The following MARCHF1 variants were observed in gnomAD, a reference collection of about 807,000 sequenced individuals.
MARCHF1 encodes E3 ubiquitin-protein ligase MARCHF1.
Under a neutral mutation model 54.2 loss-of-function variants are expected in MARCHF1, and 40 were observed. The ratio of observed to expected loss-of-function variants is 0.74; its 90% CI spans 0.57 to 0.96. The LOEUF (loss-of-function observed/expected upper bound fraction) is 0.96, where lower values mean the gene tolerates loss of function less well. Among genes scored for constraint, MARCHF1 ranks in the 40% least tolerant of loss-of-function variants. MARCHF1 has a pLI of 0.00. For missense variants in MARCHF1, 586 were observed against 656.5 expected, an observed-to-expected ratio of 0.89 and a Z score of 1.17; for synonymous variants, 236 against 236.3, an observed-to-expected ratio of 1.00 and a Z score of 0.01.
At chr4:164,046,207 A>C (rs1754239839) in intron 2 of MARCHF1, among the ~76,000 whole-genome samples, 1 of 152,252 alleles carries the variant, frequency 6.6e-6, no homozygotes, top group Admixed American at 6.5e-5. Flanking sequence ...CAAGAGGGAC[A>C]CATTATCTTT....
intron 1 of MARCHF1, among the ~76,000 whole-genome samples, chr4:164,283,417 A>C (rs1192446354): frequency 6.6e-6 from 1 of 150,958 alleles, no homozygotes; most frequent in Non-Finnish European, 1.5e-5. Context: ...CCTGTTCATC[A>C]CAAAATATAT....
intron 5 of MARCHF1, among the ~76,000 whole-genome samples, chr4:163,672,902 G>A (rs746855418): frequency 7.2e-5 from 11 of 152,006 alleles, no homozygotes; most frequent in East Asian, 1.9e-4. Context: ...TTTGTCACAC[G>A]TCCTTTTTCT....
intron 1 of MARCHF1, among the ~76,000 whole-genome samples, chr4:164,220,521 TATATATG>T (rs772846103): frequency 4.0e-4 from 59 of 145,834 alleles, no homozygotes; most frequent in African/African-American, 1.4e-3. Context: ...ATATATGTAA[TATATATG>T]ATATATATCT....
intron 1 of MARCHF1, among the ~76,000 whole-genome samples, chr4:164,198,224 AATCT>A (rs200204003): frequency 0.012 from 1,813 of 152,250 alleles, 36 homozygotes; most frequent in African/African-American, 0.042. Flanking sequence ...TAAAAAGCTA[AATCT>A]ATCTTTTATT....
chr4:163,740,995 G>C (rs1381237336), intron 4 of MARCHF1, among the ~76,000 whole-genome samples: 1 of 152,114 alleles, frequency 6.6e-6, no homozygotes, highest in East Asian at 1.9e-4. Context: ...GTCCTTCTGT[G>C]ATACCTTCTC....
chr4:163,885,913 A>G (rs1051008166), intron 3 of MARCHF1, among the ~76,000 whole-genome samples: 5 of 149,008 alleles, frequency 3.4e-5, no homozygotes, highest in Non-Finnish European at 7.4e-5. Context: ...TCTAATATAT[A>G]TATTTTATCT....
chr4:163,554,439 C>G (rs1015633071), intron 8 of MARCHF1, among the ~76,000 whole-genome samples: 1 of 152,058 alleles, frequency 6.6e-6, no homozygotes, highest in African/African-American at 2.4e-5. Flanking sequence ...GGGGTAGGAG[C>G]AGGAGGCCTG....
chr4:163,565,139 T>C (rs1456836052), intron 8 of MARCHF1, among the ~76,000 whole-genome samples: 1 of 152,232 alleles, frequency 6.6e-6, no homozygotes, highest in Non-Finnish European at 1.5e-5. Context: ...ACATTGTGAC[T>C]GCAGCTTCAA....
chr4:163,735,229 C>CCCAAT (rs1746001388), intron 4 of MARCHF1, among the ~76,000 whole-genome samples: 1 of 152,054 alleles, frequency 6.6e-6, no homozygotes. Context: ...ATCCTATTAC[C>CCCAAT]CCAATCCACC....
chr4:164,005,844 A>G (rs976701199), intron 2 of MARCHF1, among the ~76,000 whole-genome samples: 5 of 152,136 alleles, frequency 3.3e-5, no homozygotes, highest in Admixed American at 3.3e-4. Flanking sequence ...ATCCAGCCTT[A>G]CCATGCTGCT....
At chr4:164,373,458 G>T (rs1731097367) in intron 1 of MARCHF1, among the ~76,000 whole-genome samples, 1 of 141,796 alleles carries the variant, frequency 7.1e-6, no homozygotes, top group Non-Finnish European at 1.5e-5. Context: ...AGGTTCAAGT[G>T]ATTCTCCTGC....
At chr4:164,246,802 T>C (rs1732962088) in intron 1 of MARCHF1, among the ~76,000 whole-genome samples, 2 of 126,690 alleles carry the variant, frequency 1.6e-5, no homozygotes, top group Non-Finnish European at 3.3e-5. Context: ...GCAAAGGACA[T>C]GAACAGACAC....
At chr4:163,729,119 C>G (rs955698325) in intron 4 of MARCHF1, among the ~76,000 whole-genome samples, 4 of 152,012 alleles carry the variant, frequency 2.6e-5, no homozygotes, top group Non-Finnish European at 5.9e-5. Flanking sequence ...TGAGATAAAT[C>G]CCACTGGTCA....
At chr4:163,834,005 A>G (rs557578039) in intron 4 of MARCHF1, among the ~76,000 whole-genome samples, 1 of 152,316 alleles carries the variant, frequency 6.6e-6, no homozygotes, top group African/African-American at 2.4e-5. Flanking sequence ...ACAAGCAAAA[A>G]GGCAATGGAT....
At chr4:164,076,928 T>A (rs1754993677) in intron 2 of MARCHF1, among the ~76,000 whole-genome samples, 2 of 152,184 alleles carry the variant, frequency 1.3e-5, no homozygotes, top group Non-Finnish European at 2.9e-5. Flanking sequence ...ATAGGAAGAA[T>A]CAGTATCGTG....
At position 163,527,204 on chromosome 4, in the gene MARCHF1, T is replaced by C. The variant is rs934317914; in HGVS notation, c.*1544A>G. The C allele has an allele frequency of 6.6e-6, 1 of 152,074 alleles. No individual in the cohort carries two copies. Among genetic ancestry groups the C allele is most frequent in the Non-Finnish European group, 1.5e-5 (1 of 67,948 alleles). The allele number at this position is 152,074 out of a possible 1,614,324, so 9.4% of individuals were successfully genotyped here. ...ACCGTTAATCTAGCTCACTGCAATG[T>C]CATTCACACATCAGTTTTACATGAA... is the stretch of plus-strand genomic sequence containing the variant. On this transcript the variant is annotated 3_prime_UTR_variant, in exon 10 of 10. Coordinates refer to ENST00000514618, the MANE Select transcript of MARCHF1 (RefSeq NM_001394959.1).
At chr4:163,769,066 G>T (rs115852036) in intron 4 of MARCHF1, among the ~76,000 whole-genome samples, 292 of 152,192 alleles carry the variant, frequency 1.9e-3, no homozygotes, top group African/African-American at 6.5e-3. Flanking sequence ...GTAGAGAGAG[G>T]TCTCTGCTGT....
intron 3 of MARCHF1, among the ~76,000 whole-genome samples, chr4:163,949,788 G>C (rs1478099813): frequency 6.6e-6 from 1 of 151,630 alleles, no homozygotes; most frequent in Non-Finnish European, 1.5e-5. Flanking sequence ...CCCACAGTGA[G>C]TTGCTCCTCT....
chr4:163,911,802 A>G (rs1751194648), intron 3 of MARCHF1, among the ~76,000 whole-genome samples: 1 of 152,178 alleles, frequency 6.6e-6, no homozygotes, highest in South Asian at 2.1e-4. Flanking sequence ...GAAGAAGAAT[A>G]TGGTCATCTA....
Sources: allele counts gnomAD v4.1 joint callset (sites outside exome capture counted in the v4.1 genomes callset), GRCh38; gene constraint gnomAD v4.1.1; transcripts MANE v1.5; gene names NCBI Gene and HGNC (gene_info 2026-07-23, HGNC 2026-07-21).